Variants in GABBR2 observed in about 807,000 individuals in gnomAD.
GABBR2 encodes G-protein coupled receptor 51.
In GABBR2, 23 loss-of-function variants were observed where a neutral mutation model predicts 105.6. That is an observed-to-expected ratio of 0.22 (90% CI 0.16 to 0.31). The LOEUF is 0.31. Ranked by LOEUF, GABBR2 falls within the 10% of genes least tolerant of loss-of-function variation. The pLI is 1.00. For missense variants in GABBR2, 734 were observed against 1,245.5 expected (o/e 0.59, Z 6.18); for synonymous variants, 478 against 499.7 (o/e 0.96, Z 0.58).
chr9:98,355,842 A>G (rs1254940356), intron 13 of GABBR2, among the ~76,000 whole-genome samples: 1 of 152,240 alleles, frequency 6.6e-6, no homozygotes, highest in Non-Finnish European at 1.5e-5. Flanking sequence ...GCTAACCAAC[A>G]TAGGGTGGGA....
intron 1 of GABBR2, among the ~76,000 whole-genome samples, chr9:98,683,784 C>T (rs1192236413): frequency 2.6e-5 from 4 of 151,922 alleles, no homozygotes; most frequent in African/African-American, 4.8e-5. Flanking sequence ...CCGAGATGGG[C>T]AGATCACAAG....
chr9:98,316,474 A>G (rs986040288), intron 13 of GABBR2, among the ~76,000 whole-genome samples: 1 of 152,044 alleles, frequency 6.6e-6, no homozygotes, highest in Non-Finnish European at 1.5e-5. Flanking sequence ...TTTCTTCCTT[A>G]CTTGTTGCTC....
At chr9:98,653,074 G>A (rs905510801) in intron 1 of GABBR2, among the ~76,000 whole-genome samples, 2 of 152,222 alleles carry the variant, frequency 1.3e-5, no homozygotes, top group African/African-American at 4.8e-5. Flanking sequence ...ATAGCCCACT[G>A]CAGCCTCGAA....
At chr9:98,426,939 G>A (rs2131564077) in intron 7 of GABBR2, among the ~76,000 whole-genome samples, 1 of 152,280 alleles carries the variant, frequency 6.6e-6, no homozygotes, top group Non-Finnish European at 1.5e-5. Flanking sequence ...GGAGGTGGAG[G>A]TTGCAGTGAG....
Position 98,535,060 on chromosome 9 carries a change from A to G in GABBR2, c.630+6813T>C, listed in dbSNP as rs139043626. 2.6e-3 allele frequency among the ~76,000 whole-genome samples: 400 copies of G among 152,302 alleles called. 3 individuals are homozygous for G. Among genetic ancestry groups the G allele is most frequent in the Non-Finnish European group, 3.9e-3 (262 of 68,022 alleles). On this transcript the variant is annotated intron_variant, in intron 3 of 18. Coordinates refer to ENST00000259455, the MANE Select transcript of GABBR2 (RefSeq NM_005458.8). ...GACCCTTGGTAACCACAGGCTCCTC[A>G]TCCATGGATTCAACCAACCATGAAT...
At chr9:98,319,929 T>G (rs186441393) in intron 13 of GABBR2, among the ~76,000 whole-genome samples, 1 of 152,164 alleles carries the variant, frequency 6.6e-6, no homozygotes, top group Non-Finnish European at 1.5e-5. Context: ...AAGGACTTCA[T>G]GTCTAAAACA....
At chr9:98,654,754 C>T (rs1830156421) in intron 1 of GABBR2, among the ~76,000 whole-genome samples, 1 of 152,002 alleles carries the variant, frequency 6.6e-6, no homozygotes, top group Non-Finnish European at 1.5e-5. Flanking sequence ...TGGTCTTCAC[C>T]CAAAGGAGTT....
intron 1 of GABBR2, among the ~76,000 whole-genome samples, chr9:98,647,278 G>A (rs552951149): frequency 6.1e-4 from 93 of 152,288 alleles, no homozygotes; most frequent in Non-Finnish European, 9.4e-4. Flanking sequence ...ATCTGACCCT[G>A]CGATTCAGCA....
At chr9:98,578,939 G>T (rs1588236840) in intron 1 of GABBR2, among the ~76,000 whole-genome samples, 1 of 152,182 alleles carries the variant, frequency 6.6e-6, no homozygotes, top group African/African-American at 2.4e-5. Flanking sequence ...TAGAAATGGT[G>T]GTTGCCCGGG....
intron 13 of GABBR2, among the ~76,000 whole-genome samples, chr9:98,328,144 C>T (rs1201410898): frequency 6.6e-6 from 1 of 151,792 alleles, no homozygotes; most frequent in Non-Finnish European, 1.5e-5. Context: ...GGCCACCCTC[C>T]AGCCTCATCT....
chr9:98,410,014 A>C (rs1832557521), intron 7 of GABBR2, among the ~76,000 whole-genome samples: 1 of 152,142 alleles, frequency 6.6e-6, no homozygotes, highest in Non-Finnish European at 1.5e-5. Context: ...TGGTGGGAAC[A>C]GATGGGGCAA....
At chr9:98,504,308 G>C (rs914518618) in intron 3 of GABBR2, among the ~76,000 whole-genome samples, 2 of 152,236 alleles carry the variant, frequency 1.3e-5, no homozygotes, top group Non-Finnish European at 2.9e-5. Flanking sequence ...GTCCCACACA[G>C]AGAAGGCTCC....
rs1285253108 is a variant in GABBR2, at chr9:98,606,911, AG to A, written c.322-28840del. The stretch of plus-strand genomic sequence containing the variant: ...GTCTGATTGATCCACATGAATTCCT[AG>A]GCATTCAGACCTAAGAATCATCTTC... On this transcript the variant is annotated intron_variant, in intron 1 of 18. Coordinates refer to ENST00000259455, the MANE Select transcript of GABBR2 (RefSeq NM_005458.8). The A allele has an allele frequency of 4.7e-6, 3 of 636,822 alleles. No homozygotes were observed. In the African/African-American group the frequency reaches 5.4e-5, roughly 11 times the overall value. The allele number at this position is 636,822 out of a possible 1,614,324, so 39.4% of individuals were successfully genotyped here. A position where few individuals can be genotyped will look rare whatever the true frequency, so the allele number is the denominator to read the frequency against.
intron 7 of GABBR2, among the ~76,000 whole-genome samples, chr9:98,409,545 C>T (rs988981612): frequency 2.6e-5 from 4 of 152,152 alleles, no homozygotes; most frequent in Admixed American, 2.6e-4. Context: ...GCCAGGGGTG[C>T]GCCCAGACAC....
At chr9:98,501,153 C>CCCCCTTT (rs1564094521) in intron 3 of GABBR2, among the ~76,000 whole-genome samples, 1 of 125,736 alleles carries the variant, frequency 8.0e-6, no homozygotes, top group Non-Finnish European at 1.7e-5. Context: ...CCCCCTGCTC[C>CCCCCTTT]TTTTTTTTTT....
At chr9:98,642,712 G>A (rs1220770336) in intron 1 of GABBR2, among the ~76,000 whole-genome samples, 2 of 152,204 alleles carry the variant, frequency 1.3e-5, no homozygotes, top group Non-Finnish European at 2.9e-5. Flanking sequence ...TACATAGGAA[G>A]TTTTCATTTT....
chr9:98,317,471 C>T (rs1043206484), intron 13 of GABBR2, among the ~76,000 whole-genome samples: 3 of 152,228 alleles, frequency 2.0e-5, no homozygotes, highest in East Asian at 1.9e-4. Context: ...GGTGTTGAGG[C>T]CTGAAAGGTC....
chr9:98,412,587 A>G (rs1588147108), intron 7 of GABBR2, among the ~76,000 whole-genome samples: 1 of 152,130 alleles, frequency 6.6e-6, no homozygotes, highest in Admixed American at 6.5e-5. Context: ...TTTTTCTCTG[A>G]CCTTCTCCTG....
At chr9:98,422,566 A>G (rs951942421) in intron 7 of GABBR2, among the ~76,000 whole-genome samples, 2 of 152,048 alleles carry the variant, frequency 1.3e-5, no homozygotes, top group Non-Finnish European at 2.9e-5. Flanking sequence ...AGAGAGAATC[A>G]TAACCAGCAG....
Sources: gnomAD v4.1 joint callset for allele counts (sites outside exome capture counted in the v4.1 genomes callset) on GRCh38, gnomAD v4.1.1 for gene constraint, MANE v1.5 for transcripts, NCBI Gene and HGNC (gene_info 2026-07-23, HGNC 2026-07-21) for gene names.